Variants in CACNG2 observed in about 807,000 individuals in gnomAD.
The protein encoded by CACNG2 is voltage-dependent calcium channel gamma-2 subunit.
Under a neutral mutation model 25.9 loss-of-function variants are expected in CACNG2, and 3 were observed. The ratio of observed to expected loss-of-function variants is 0.12; its 90% CI spans 0.05 to 0.30. The LOEUF (loss-of-function observed/expected upper bound fraction) is 0.30, where lower values mean the gene tolerates loss of function less well. CACNG2 is among the 10% of genes least tolerant of loss of function. The pLI is 1.00. For missense variants in CACNG2, 341 were observed against 432.5 expected (o/e 0.79, Z 1.88); for synonymous variants, 167 against 173.3 (o/e 0.96, Z 0.29).
At chr22:36,665,684 C>T (rs1936865316) in intron 1 of CACNG2, among the ~76,000 whole-genome samples, 1 of 152,188 alleles carries the variant, frequency 6.6e-6, no homozygotes, top group Non-Finnish European at 1.5e-5. Flanking sequence ...ACTTCACTCC[C>T]ATGGGATGGT....
At chr22:36,590,174 T>C (rs1349019853) in intron 1 of CACNG2, among the ~76,000 whole-genome samples, 1 of 152,140 alleles carries the variant, frequency 6.6e-6, no homozygotes, top group Non-Finnish European at 1.5e-5. Context: ...AGTTGCTCCT[T>C]GTGTGCAAGC....
intron 2 of CACNG2, among the ~76,000 whole-genome samples, chr22:36,578,976 C>A (rs1935369783): frequency 1.3e-5 from 2 of 152,142 alleles, no homozygotes; most frequent in South Asian, 4.1e-4. Flanking sequence ...AGAGTGGTCA[C>A]CTCCCCGCAC....
intron 1 of CACNG2, among the ~76,000 whole-genome samples, chr22:36,670,733 G>T (rs1231172996): frequency 2.6e-5 from 4 of 151,992 alleles, no homozygotes; most frequent in Non-Finnish European, 5.9e-5. Flanking sequence ...CCGGGCTCAA[G>T]CGATCCTCCC....
chr22:36,664,284 A>G (rs1388493451), intron 1 of CACNG2, among the ~76,000 whole-genome samples: 1 of 152,198 alleles, frequency 6.6e-6, no homozygotes, highest in Admixed American at 6.5e-5. Context: ...ATATTTTGAC[A>G]TTCTTCCATT....
At chr22:36,667,750 G>A (rs913367533) in intron 1 of CACNG2, among the ~76,000 whole-genome samples, 1 of 152,104 alleles carries the variant, frequency 6.6e-6, no homozygotes. Context: ...ATAAAGCAAG[G>A]GTTCGTGTTT....
At chr22:36,686,904 G>A (rs1370671452) in intron 1 of CACNG2, among the ~76,000 whole-genome samples, 1 of 152,194 alleles carries the variant, frequency 6.6e-6, no homozygotes, top group Non-Finnish European at 1.5e-5. Flanking sequence ...TTTTCCTCCA[G>A]GCATGTGGCC....
At chr22:36,696,774 T>A (rs1937347958) in intron 1 of CACNG2, among the ~76,000 whole-genome samples, 1 of 152,126 alleles carries the variant, frequency 6.6e-6, no homozygotes, top group Admixed American at 6.5e-5. Context: ...TCAAATAAGG[T>A]GATCTGAGAA....
At chr22:36,619,153 T>G (rs933867696) in intron 1 of CACNG2, among the ~76,000 whole-genome samples, 2 of 152,128 alleles carry the variant, frequency 1.3e-5, no homozygotes, top group African/African-American at 4.8e-5. Context: ...GATCGCAGTG[T>G]TTCTATGTGG....
At chr22:36,693,073 C>T (rs541909386) in intron 1 of CACNG2, among the ~76,000 whole-genome samples, 66 of 152,216 alleles carry the variant, frequency 4.3e-4, no homozygotes, top group African/African-American at 1.6e-3. Context: ...TTTAACCCAG[C>T]AGACGGAGGC....
At chr22:36,683,401 A>T (rs750660109) in intron 1 of CACNG2, among the ~76,000 whole-genome samples, 1 of 152,230 alleles carries the variant, frequency 6.6e-6, no homozygotes, top group Non-Finnish European at 1.5e-5. Flanking sequence ...CAGGACTAAG[A>T]GTCAGGAAGG....
intron 1 of CACNG2, among the ~76,000 whole-genome samples, chr22:36,695,667 A>C (rs1417835505): frequency 6.6e-6 from 1 of 152,000 alleles, no homozygotes; most frequent in Non-Finnish European, 1.5e-5. Context: ...TCACCTCCTC[A>C]GGGAAGCCTT....
chr22:36,694,408 A>G (rs1293061155), intron 1 of CACNG2, among the ~76,000 whole-genome samples: 1 of 152,244 alleles, frequency 6.6e-6, no homozygotes, highest in African/African-American at 2.4e-5. Flanking sequence ...TGGCTAGGCC[A>G]TCGCAGCTCA....
At chr22:36,591,962 G>T (rs1247016309) in intron 1 of CACNG2, among the ~76,000 whole-genome samples, 1 of 152,056 alleles carries the variant, frequency 6.6e-6, no homozygotes, top group Admixed American at 6.6e-5. Context: ...GGAGGACAGG[G>T]GAAGGGAAGC....
At chr22:36,701,649 C>T (rs903678944) in intron 1 of CACNG2, among the ~76,000 whole-genome samples, 5 of 152,034 alleles carry the variant, frequency 3.3e-5, no homozygotes, top group Non-Finnish European at 7.4e-5. Flanking sequence ...AAGCCTAACC[C>T]GCAAGTGAAT....
chr22:36,612,661 T>TC (rs1168284775), intron 1 of CACNG2, among the ~76,000 whole-genome samples: 1 of 152,176 alleles, frequency 6.6e-6, no homozygotes, highest in African/African-American at 2.4e-5. Flanking sequence ...GGTCATACGC[T>TC]CCACCACGAG....
intron 1 of CACNG2, among the ~76,000 whole-genome samples, chr22:36,632,567 A>G (rs1326277126): frequency 6.7e-6 from 1 of 149,250 alleles, no homozygotes; most frequent in Non-Finnish European, 1.5e-5. Context: ...CTCATGACTC[A>G]TGATGTGGTT....
chr22:36,641,617 T>C (rs1936443651), intron 1 of CACNG2, among the ~76,000 whole-genome samples: 1 of 152,170 alleles, frequency 6.6e-6, no homozygotes, highest in South Asian at 2.1e-4. Context: ...TGCTAAGAAA[T>C]TTTGTCTCTG....
At chr22:36,654,068 G>C (rs1176793840) in intron 1 of CACNG2, among the ~76,000 whole-genome samples, 1 of 150,500 alleles carries the variant, frequency 6.6e-6, no homozygotes, top group Non-Finnish European at 1.5e-5. Flanking sequence ...ATTGATTTCA[G>C]AACAAAAAAA....
At chr22:36,676,413 T>C (rs185516609) in intron 1 of CACNG2, among the ~76,000 whole-genome samples, 4 of 152,316 alleles carry the variant, frequency 2.6e-5, no homozygotes, top group Non-Finnish European at 5.9e-5. Flanking sequence ...GTACCCAGGA[T>C]GCAGCTGGCA....
Sources: allele counts gnomAD v4.1 joint callset (sites outside exome capture counted in the v4.1 genomes callset), GRCh38; gene constraint gnomAD v4.1.1; transcripts MANE v1.5; gene names NCBI Gene and HGNC (gene_info 2026-07-23, HGNC 2026-07-21).